Variants in ZNF512 observed in about 807,000 individuals in gnomAD.
ZNF512 encodes the protein zinc finger protein 512.
In ZNF512, 25 loss-of-function variants were observed where a neutral mutation model predicts 77.5. The observed-to-expected ratio is 0.32, with a 90% CI of 0.23 to 0.45. The LOEUF is 0.45. Among genes scored for constraint, ZNF512 ranks in the 20% least tolerant of loss-of-function variants. ZNF512 has a pLI of 1.00. For missense variants in ZNF512, 483 were observed against 692.6 expected, an observed-to-expected ratio of 0.70 and a Z score of 3.40; for synonymous variants, 246 against 239.9, an observed-to-expected ratio of 1.03 and a Z score of -0.24.
chr2:27,583,563 A>G (rs1197154920), intron 1 of ZNF512, 95 bp from the exon 2 acceptor site: 1 of 1,549,518 alleles, frequency 6.5e-7, no homozygotes, highest in Admixed American at 2.2e-5. Context: ...TTTCCCCGGG[A>G]GAACTTCATT....
intron 10 of ZNF512, among the ~76,000 whole-genome samples, chr2:27,611,732 C>G (rs1672674238): frequency 6.7e-6 from 1 of 148,804 alleles, no homozygotes; most frequent in South Asian, 2.1e-4. Flanking sequence ...GAGTCTCACT[C>G]TGTCACCCAG....
chr2:27,620,598 G>A (rs1438986066), intron 13 of ZNF512, among the ~76,000 whole-genome samples: 1 of 152,184 alleles, frequency 6.6e-6, no homozygotes, highest in African/African-American at 2.4e-5. Flanking sequence ...TGAATTGGTA[G>A]ATTTAGAAGA....
At chr2:27,587,034 C>T (rs1572902108) in intron 2 of ZNF512, among the ~76,000 whole-genome samples, 1 of 152,142 alleles carries the variant, frequency 6.6e-6, no homozygotes, top group East Asian at 1.9e-4. Flanking sequence ...CGTTCATGTA[C>T]AAGTCTTGTG....
chr2:27,585,438 C>T (rs1050919252), intron 2 of ZNF512, among the ~76,000 whole-genome samples: 2 of 152,096 alleles, frequency 1.3e-5, no homozygotes, highest in Non-Finnish European at 2.9e-5. Flanking sequence ...GATTATTAGG[C>T]CCCCATCCAT....
chr2:27,591,447 C>T (rs780815869), intron 2 of ZNF512, among the ~76,000 whole-genome samples: 12 of 152,126 alleles, frequency 7.9e-5, no homozygotes, highest in Non-Finnish European at 1.0e-4. Flanking sequence ...GACAGAGTCT[C>T]GCTCTGTCAC....
At chr2:27,619,616 A>G (rs941761660) in intron 13 of ZNF512, among the ~76,000 whole-genome samples, 4 of 151,126 alleles carry the variant, frequency 2.6e-5, no homozygotes, top group Non-Finnish European at 5.9e-5. Context: ...TCCCTCCATC[A>G]CATTTTCTTA....
chr2:27,606,224 C>T (rs1672352048), intron 9 of ZNF512, among the ~76,000 whole-genome samples: 1 of 151,648 alleles, frequency 6.6e-6, no homozygotes. Context: ...ATTCCGGATA[C>T]AAGTTCTTTA....
intron 12 of ZNF512, 37 bp downstream of exon 12, chr2:27,616,361 C>G (rs1003582241): frequency 1.3e-6 from 2 of 1,508,770 alleles, no homozygotes; most frequent in African/African-American, 2.7e-5. Flanking sequence ...TTAACATGTC[C>G]TCTAAAATAG....
chr2:27,617,506 C>G lies in ZNF512; in HGVS notation c.1330C>G (p.Leu444Val), dbSNP rs1325871846. The G allele has an allele frequency of 2.0e-6, 3 of 1,499,494 alleles. No homozygotes were observed. The African/African-American group carries it at 4.1e-5, about 21-fold the overall frequency. 92.9% of individuals were successfully genotyped at this position (1,499,494 alleles called of 1,614,324 possible). ...TGTGGCTGGAAAATACAAATGTCTTCTATGTCAGAAAGAATTTGTGTCAGA... is the reference window on the plus strand; with the variant it reads ...TGTGGCTGGAAAATACAAATGTCTTGTATGTCAGAAAGAATTTGTGTCAGA... ...NFVAGKYKCL[L>V]CQKEFVSESG... Residue 444 changes from leucine (L) to valine (V), a missense_variant, in exon 13 of 14, where the codon CTA becomes GTA. Physicochemically the swap from Leu to Val is conservative, Grantham distance 32 (BLOSUM62 1). Around this residue, in one of 2 missense-constraint regions of ZNF512, gnomAD observed 324 missense variants for 525.0 expected, o/e 0.62. Coordinates refer to ENST00000355467, the MANE Select transcript of ZNF512 (RefSeq NM_032434.4).
rs182199202 is a variant in ZNF512 at position 27,620,585 on chromosome 2, C to T, written c.1396-568C>T. Among the ~76,000 whole-genome samples, 273 of 152,258 alleles carry T rather than the reference C, an allele frequency of 1.8e-3. 2 individuals are homozygous for T. The highest frequency in any genetic ancestry group is 2.7e-3 in the Non-Finnish European group (187 of 68,028). ...GCTCAACTCCCTATTCTGGCTTTTC[C>T]TATGAATTGGTAGATTTAGAAGATT... On this transcript the variant is annotated intron_variant, in intron 13 of 13. Transcript: ENST00000355467.
Position 27,622,857 on chromosome 2 carries a change from C to T in ZNF512, c.*1396C>T, listed in dbSNP as rs188919538. The T allele has an allele frequency of 1.5e-3, 234 of 152,868 alleles. 1 individual carries two copies. The highest frequency in any genetic ancestry group is 2.0e-3 in the Non-Finnish European group (134 of 68,028). The allele number at this position is 152,868 out of a possible 1,614,324, so 9.5% of individuals were successfully genotyped here. On this transcript the variant is annotated 3_prime_UTR_variant, in exon 14 of 14. Transcript: ENST00000355467. ...TTTAAAATGTGGGCTTTTGTGAAGA[C>T]CACTTTCAAACAAGGGAGCACTGAA...
chr2:27,603,586 G>GTGTGTGTGTGTGTGTGTGTGTA (rs140043162), intron 9 of ZNF512, among the ~76,000 whole-genome samples: 5 of 72,484 alleles, frequency 6.9e-5, no homozygotes, highest in African/African-American at 2.4e-4. Context: ...GTGTGTGTGT[G>GTGTGTGTGTGTGTGTGTGTGTA]TATATTTTTT....
In ZNF512 at chr2:27,600,765, G is replaced by A; in HGVS notation, c.532G>A (p.Gly178Arg). Residue 178 changes from glycine (G) to arginine (R), a missense_variant, in exon 6 of 14, where the codon GGG becomes AGG. By Grantham distance (125) the Gly-to-Arg change is moderately radical. Coordinates refer to ENST00000355467, the MANE Select transcript of ZNF512 (RefSeq NM_032434.4). ...CTCCTGCCCTACCTGCCAGGCAGTG[G>A]GGAGGAAGACCATAGAGGGTTTAAA... is the stretch of plus-strand genomic sequence containing the variant. ...SVSCPTCQAV[G>R]RKTIEGLKKH... 6.2e-7 allele frequency: 1 copy of A among 1,614,062 alleles called. No homozygotes were observed. The highest frequency in any genetic ancestry group is 8.5e-7 in the Non-Finnish European group (1 of 1,179,958).
chr2:27,603,613 A>G (rs1672231583), intron 9 of ZNF512, among the ~76,000 whole-genome samples: 1 of 41,318 alleles, frequency 2.4e-5, no homozygotes, highest in Non-Finnish European at 4.1e-5. Flanking sequence ...TTTTTCTTCA[A>G]GAGACAAGAT....
chr2:27,588,800 G>A (rs1422699421), intron 2 of ZNF512, among the ~76,000 whole-genome samples: 11 of 150,114 alleles, frequency 7.3e-5, no homozygotes, highest in Admixed American at 6.0e-4. Flanking sequence ...TATAGATTCC[G>A]TTGGGGAAAA....
rs76475079 is a variant in ZNF512 at position 27,618,638 on chromosome 2, C to A, written c.1395+1067C>A. On this transcript the variant is annotated intron_variant, in intron 13 of 13. Coordinates refer to ENST00000355467, the MANE Select transcript of ZNF512 (RefSeq NM_032434.4). The stretch of plus-strand genomic sequence containing the variant: ...GGAAGAGAGGAAGGAAAGAAATTAA[C>A]AGTGGTAAATTTGATTGTTCATTGA... 6.7e-4 allele frequency among the ~76,000 whole-genome samples: 102 copies of A among 152,250 alleles called. 2 individuals carry two copies. The East Asian group carries it at 0.019, about 28-fold the overall frequency.
chr2:27,599,791 G>T, intron 4 of ZNF512, 113 bp downstream of exon 4: 1 of 1,182,786 alleles, frequency 8.5e-7, no homozygotes, highest in South Asian at 1.4e-5. Context: ...TGAGCCCTTT[G>T]AATTGTTTGG....
chr2:27,585,081 G>C (rs916847877), intron 2 of ZNF512, among the ~76,000 whole-genome samples: 1 of 152,206 alleles, frequency 6.6e-6, no homozygotes, highest in Non-Finnish European at 1.5e-5. Flanking sequence ...AGGGAACAAC[G>C]TATAGGGAAT....
At chr2:27,596,623 T>TC (rs367759898) in intron 2 of ZNF512, among the ~76,000 whole-genome samples, 2 of 152,222 alleles carry the variant, frequency 1.3e-5, no homozygotes, top group African/African-American at 4.8e-5. Flanking sequence ...CAACTTTGAC[T>TC]CCCCTGCATA....
Sources: allele counts gnomAD v4.1 joint callset (sites outside exome capture counted in the v4.1 genomes callset), GRCh38; gene constraint gnomAD v4.1.1; regional missense constraint gnomAD v4.1.1; transcripts MANE v1.5; gene names NCBI Gene and HGNC (gene_info 2026-07-23, HGNC 2026-07-21).